The following BARX2 variants were observed in gnomAD, a reference collection of about 807,000 sequenced individuals.
BARX2 encodes the protein BARX homeobox 2.
BARX2 carries 11 observed loss-of-function variants against 25.5 expected under a neutral mutation model. That is an observed-to-expected ratio of 0.43 (90% CI 0.27 to 0.71). BARX2 has a LOEUF of 0.71. Among genes scored for constraint, BARX2 ranks in the 30% least tolerant of loss-of-function variants. The pLI is 0.19. For synonymous variants in BARX2, 137 were observed against 149.5 expected (o/e 0.92, Z 0.61); for missense variants, 360 against 359.9 (o/e 1.00, Z 0.00).
chr11:129,376,238 A>AG lies in BARX2; in HGVS notation c.187+20dup. On this transcript the variant is annotated intron_variant, in intron 1 of 3. Transcript: ENST00000281437. This position sits in a 1 kb window ranked among gnomAD's most constrained non-coding sequence, Gnocchi z 4.2. ...TCCTGTACGGGTAAGACGCTCCGCTAGGGGATAAGTGGGGTTCGGTAGCTT... is the reference window on the plus strand; with the variant it reads ...TCCTGTACGGGTAAGACGCTCCGCTAGGGGGATAAGTGGGGTTCGGTAGCTT... 6.3e-7 allele frequency: 1 copy of AG among 1,588,296 alleles called. No individual in the cohort carries two copies. Among genetic ancestry groups the AG allele is most frequent in the Non-Finnish European group, 8.6e-7 (1 of 1,167,134 alleles).
intron 1 of BARX2, among the ~76,000 whole-genome samples, chr11:129,386,895 A>G (rs77057863): frequency 0.015 from 2,282 of 152,310 alleles, 42 homozygotes; most frequent in African/African-American, 0.049. Flanking sequence ...AAACAAATAC[A>G]TAGACAAATA....
chr11:129,424,655 T>C (rs1862044224), intron 1 of BARX2, among the ~76,000 whole-genome samples: 1 of 152,198 alleles, frequency 6.6e-6, no homozygotes, highest in Non-Finnish European at 1.5e-5. Context: ...AATAATTAGT[T>C]TTTTTGAGGG....
upstream of BARX2, among the ~76,000 whole-genome samples, chr11:129,375,303 G>T (rs948134067): frequency 9.9e-5 from 15 of 152,136 alleles, no homozygotes; most frequent in African/African-American, 3.6e-4. This position sits in a 1 kb window ranked among gnomAD's most constrained non-coding sequence, Gnocchi z 4.0. Context: ...TCCACGCGGG[G>T]AAGGAGAAAG....
intron 1 of BARX2, among the ~76,000 whole-genome samples, chr11:129,434,302 C>T (rs1180308760): frequency 2.0e-5 from 3 of 146,616 alleles, no homozygotes; most frequent in Non-Finnish European, 3.0e-5. Context: ...CGATGGCTCA[C>T]ACCTATAATC....
intron 1 of BARX2, among the ~76,000 whole-genome samples, chr11:129,418,413 C>A (rs7950745): frequency 6.6e-6 from 1 of 152,126 alleles, no homozygotes; most frequent in African/African-American, 2.4e-5. Context: ...TCAGCCCAAG[C>A]GGTTCCCCAG....
rs145280117 is a variant in BARX2, at chr11:129,376,483, G to C, written c.187+261G>C. Among the ~76,000 whole-genome samples, 1 of 152,236 alleles carries C rather than the reference G, an allele frequency of 6.6e-6. No homozygotes were observed. The highest frequency in any genetic ancestry group is 1.5e-5 in the Non-Finnish European group (1 of 68,054). On this transcript the variant is annotated intron_variant, in intron 1 of 3. Coordinates refer to ENST00000281437, the MANE Select transcript of BARX2 (RefSeq NM_003658.5). This position sits in a 1 kb window ranked among gnomAD's most constrained non-coding sequence, Gnocchi z 4.2. ...GCGCAACGCCTGATTGTCCTGCTCG[G>C]AGGAGAACGCTTCCTCGTTTCCTGC...
chr11:129,415,385 C>T (rs1861933836), intron 1 of BARX2, among the ~76,000 whole-genome samples: 1 of 152,168 alleles, frequency 6.6e-6, no homozygotes. Flanking sequence ...CTTATTTTTT[C>T]AGCAAAGCCT....
intron 1 of BARX2, among the ~76,000 whole-genome samples, chr11:129,393,398 AAAATATT>A (rs1372195622): frequency 1.3e-5 from 2 of 152,120 alleles, no homozygotes; most frequent in Admixed American, 1.3e-4. Context: ...ATGCTTTCTA[AAAATATT>A]AAATATTAAA....
At chr11:129,447,721 A>G (rs1322180695) in intron 3 of BARX2, among the ~76,000 whole-genome samples, 1 of 152,166 alleles carries the variant, frequency 6.6e-6, no homozygotes, top group East Asian at 1.9e-4. Flanking sequence ...GGGTCCGTCC[A>G]AACCGTGTGG....
intron 1 of BARX2, among the ~76,000 whole-genome samples, chr11:129,417,767 A>G (rs1393897489): frequency 6.6e-6 from 1 of 152,330 alleles, no homozygotes; most frequent in Admixed American, 6.5e-5. Context: ...GTCAGATCAT[A>G]ACAGTAGCCT....
In BARX2 at chr11:129,451,483, T is replaced by A; in HGVS notation, c.*81T>A. The A allele has an allele frequency of 6.7e-7, 1 of 1,501,616 alleles. No homozygotes were observed. Among genetic ancestry groups the A allele is most frequent in the Non-Finnish European group, 9.0e-7 (1 of 1,108,340 alleles). The allele number at this position is 1,501,616 out of a possible 1,614,324, so 93.0% of individuals were successfully genotyped here. ...CAGGGAGAGTAGGGAGAGAAAACCT[T>A]CCAGCAGCCCAGTAAACTGCGGGCG... is the stretch of plus-strand genomic sequence containing the variant. On this transcript the variant is annotated 3_prime_UTR_variant, in exon 4 of 4. Transcript: ENST00000281437.
chr11:129,389,715 C>CT (rs1366361708), intron 1 of BARX2, among the ~76,000 whole-genome samples: 2,934 of 64,714 alleles, frequency 0.045, 32 homozygotes, highest in Middle Eastern at 0.11. Flanking sequence ...TAGGGATAGT[C>CT]TTTTTTTTTT....
intron 2 of BARX2, chr11:129,438,025 T>C (rs1176476390): frequency 7.1e-6 from 1 of 141,386 alleles, no homozygotes; most frequent in Non-Finnish European, 1.5e-5. Context: ...CCTGTCTCCT[T>C]AAAAAAAAAA....
At chr11:129,444,304 T>C (rs1862298731) in intron 3 of BARX2, among the ~76,000 whole-genome samples, 1 of 152,032 alleles carries the variant, frequency 6.6e-6, no homozygotes, top group African/African-American at 2.4e-5. Context: ...AAGCAGCAAT[T>C]ATTATATTCC....
chr11:129,434,590 A>G (rs1305985215), intron 1 of BARX2, among the ~76,000 whole-genome samples: 8 of 152,134 alleles, frequency 5.3e-5, no homozygotes, highest in Admixed American at 3.3e-4. Flanking sequence ...AGTTCATACT[A>G]TGGATGTACC....
chr11:129,414,594 T>A (rs1451036136), intron 1 of BARX2, among the ~76,000 whole-genome samples: 1 of 152,224 alleles, frequency 6.6e-6, no homozygotes, highest in Non-Finnish European at 1.5e-5. Context: ...TAGGCTTCCA[T>A]AACCCTATGG....
chr11:129,392,757 C>T (rs938811683), intron 1 of BARX2, among the ~76,000 whole-genome samples: 4 of 151,910 alleles, frequency 2.6e-5, no homozygotes, highest in Admixed American at 1.3e-4. Context: ...GATACAGATG[C>T]GTGCCACCGT....
chr11:129,379,973 C>T (rs746907439), intron 1 of BARX2, among the ~76,000 whole-genome samples: 10 of 151,882 alleles, frequency 6.6e-5, no homozygotes, highest in Non-Finnish European at 1.0e-4. Context: ...TGTTGAATCT[C>T]TTACCTGTCT....
intron 1 of BARX2, among the ~76,000 whole-genome samples, chr11:129,418,746 G>A (rs1861971318): frequency 6.6e-6 from 1 of 152,126 alleles, no homozygotes; most frequent in East Asian, 1.9e-4. Flanking sequence ...TTCTCAAGTA[G>A]TATAACGAAC....
Sources: allele counts gnomAD v4.1 joint callset (sites outside exome capture counted in the v4.1 genomes callset), GRCh38; gene constraint gnomAD v4.1.1; non-coding constraint Gnocchi (gnomAD v3.1); transcripts MANE v1.5; gene names NCBI Gene and HGNC (gene_info 2026-07-23, HGNC 2026-07-21).